COL4A3: variants seen among roughly 807,000 people sequenced by gnomAD.
COL4A3 encodes the protein collagen type IV alpha 3 chain, also known as collagen alpha-3(IV) chain.
A neutral mutation model predicts 217.4 loss-of-function variants in COL4A3; 135 were observed. The ratio of observed to expected loss-of-function variants is 0.62; its 90% CI spans 0.54 to 0.72. The LOEUF (loss-of-function observed/expected upper bound fraction) is 0.72, where lower values mean the gene tolerates loss of function less well. COL4A3 is among the 30% of genes least tolerant of loss of function. The probability of loss-of-function intolerance (pLI) is 0.00; values close to 1 mark genes in which losing one functional copy is unlikely to be tolerated. For synonymous variants in COL4A3, 690 were observed against 736.3 expected, an observed-to-expected ratio of 0.94 and a Z score of 1.02; for missense variants, 1,868 against 2,119.9, an observed-to-expected ratio of 0.88 and a Z score of 2.33.
rs780287240 is a variant in COL4A3, at chr2:227,244,952, G to C, written c.281G>C (p.Gly94Ala). Residue 94 changes from glycine to alanine, a missense_variant and splice_region_variant, in exon 5 of 52, where the codon GGA becomes GCA. Coordinates refer to ENST00000396578, the MANE Select transcript of COL4A3 (RefSeq NM_000091.5). ...PGLTGSKGVR[G>A]ISGLPGFSGS... ...CCCTCCTTTTTCCTATGTCTTCAGG[G>C]AATAAGTGGATTGCCAGGATTTTCT... 12 of 1,613,032 alleles carry C rather than the reference G, an allele frequency of 7.4e-6. No individual in the cohort carries two copies. Among genetic ancestry groups the C allele is most frequent in the Non-Finnish European group, 1.0e-5 (12 of 1,179,534 alleles).
At chr2:227,251,921 T>G (rs146180574) in intron 11 of COL4A3, among the ~76,000 whole-genome samples, 2,969 of 151,766 alleles carry the variant, frequency 0.02, 88 homozygotes, top group African/African-American at 0.068. Flanking sequence ...ATACAAAAAT[T>G]AGCCGGGCAT....
chr2:227,263,755 A>G (rs1191651927), intron 20 of COL4A3, 25 bp from the exon 21 acceptor site: 2 of 1,604,440 alleles, frequency 1.2e-6, no homozygotes, highest in Non-Finnish European at 1.7e-6. Context: ...AATGTAAAAT[A>G]CAAGAAATGA....
intron 28 of COL4A3, among the ~76,000 whole-genome samples, chr2:227,278,747 TG>T (rs1249467755): frequency 1.3e-5 from 2 of 152,316 alleles, no homozygotes; most frequent in East Asian, 3.9e-4. Context: ...CTGTTGACTG[TG>T]GGAACCAGAA....
intron 38 of COL4A3, chr2:227,294,286 T>C (rs2072920791): frequency 1.5e-5 from 9 of 594,726 alleles, no homozygotes; most frequent in Non-Finnish European, 2.7e-5. Context: ...ACACACATCT[T>C]TGAAAGTGAT....
rs1209658021 is a variant in COL4A3 at position 227,298,780 on chromosome 2, A to G, written c.3850A>G (p.Thr1284Ala). Residue 1284 changes from threonine (T) to alanine (A), a missense_variant, in exon 43 of 52, where the codon ACT (threonine) becomes GCT (alanine). By Grantham distance (58) the Thr-to-Ala change is moderately conservative. Around this residue, in one of 2 missense-constraint regions of COL4A3, gnomAD observed 1,503 missense variants for 1,786.1 expected, o/e 0.84. Coordinates refer to ENST00000396578, the MANE Select transcript of COL4A3 (RefSeq NM_000091.5). Reference protein sequence around the residue: ...GHPGPKGPPGTAGDMGPPGRL... With the variant: ...GHPGPKGPPGAAGDMGPPGRL... Reference sequence around the variant, plus strand: ...CCCTGGCCCAAAAGGTCCACCTGGAACTGCAGGAGACATGGGACCACCAGG... The same window carrying G: ...CCCTGGCCCAAAAGGTCCACCTGGAGCTGCAGGAGACATGGGACCACCAGG... 1.7e-5 allele frequency: 27 copies of G among 1,613,848 alleles called. No individual in the cohort carries two copies. The highest frequency in any genetic ancestry group is 2.2e-5 in the Non-Finnish European group (26 of 1,179,944).
chr2:227,213,184 C>T (rs999372904), intron 1 of COL4A3, among the ~76,000 whole-genome samples: 1 of 152,120 alleles, frequency 6.6e-6, no homozygotes, highest in Non-Finnish European at 1.5e-5. Flanking sequence ...ATAGCTGAAG[C>T]GTAGGCTGAA....
rs771642290 is a variant in COL4A3, at chr2:227,266,544, C to G, written c.1408+35C>G. 2.0e-6 allele frequency: 3 copies of G among 1,488,292 alleles called. No homozygotes were observed. In the African/African-American group the frequency reaches 4.1e-5, roughly 21 times the overall value. 92.2% of individuals were successfully genotyped at this position (1,488,292 alleles called of 1,614,324 possible). On this transcript the variant is annotated intron_variant, in intron 22 of 51. Coordinates refer to ENST00000396578, the MANE Select transcript of COL4A3 (RefSeq NM_000091.5). ...ATCAATAATGTTGTATTAGGATAAG[C>G]CTTTTTCATCGTCATTATTATCACT...
At chr2:227,249,230 A>ATTTTTTTTTTTTTTTTTTTTT in intron 9 of COL4A3, among the ~76,000 whole-genome samples, 1 of 14,692 alleles carries the variant, frequency 6.8e-5, no homozygotes, top group African/African-American at 2.7e-4. Context: ...ATATATATAT[A>ATTTTTTTTTTTTTTTTTTTTT]TTTTTTTTTT....
intron 21 of COL4A3, 36 bp downstream of exon 21, chr2:227,263,980 T>C (rs753859482): frequency 1.1e-5 from 17 of 1,612,426 alleles, no homozygotes; most frequent in Non-Finnish European, 1.4e-5. Context: ...TTGTGCACAG[T>C]GCCAAATGAC....
At chr2:227,284,031 T>C (rs764789153) in intron 33 of COL4A3, among the ~76,000 whole-genome samples, 175 bp downstream of exon 33, 3 of 152,268 alleles carry the variant, frequency 2.0e-5, no homozygotes, top group Non-Finnish European at 4.4e-5. Flanking sequence ...CTGTTTTCTG[T>C]AGGCTTACAC....
chr2:227,187,940 G>T (rs2066090337), intron 1 of COL4A3, among the ~76,000 whole-genome samples: 1 of 152,160 alleles, frequency 6.6e-6, no homozygotes, highest in Admixed American at 6.5e-5. Flanking sequence ...GAGCTGTTGA[G>T]TCAGGGCATA....
chr2:227,243,518 C>T (rs370633286), intron 3 of COL4A3, among the ~76,000 whole-genome samples: 9 of 152,300 alleles, frequency 5.9e-5, no homozygotes, highest in African/African-American at 2.2e-4. Flanking sequence ...CCATGCACCC[C>T]GGAATTCCGC....
At chr2:227,281,924 G>A (rs1463260591) in intron 31 of COL4A3, 1 of 152,630 alleles carries the variant, frequency 6.6e-6, no homozygotes, top group Non-Finnish European at 1.5e-5. Flanking sequence ...GCGCACGCAT[G>A]CGTAAGTGTG....
chr2:227,244,216 G>T (rs2069185232), intron 3 of COL4A3, 104 bp from the exon 4 acceptor site: 6 of 877,068 alleles, frequency 6.8e-6, no homozygotes, highest in Non-Finnish European at 9.6e-6. Context: ...AATCAGAAGG[G>T]CAAAACAGCT....
chr2:227,200,778 T>C (rs369801055), intron 1 of COL4A3, among the ~76,000 whole-genome samples: 1 of 152,248 alleles, frequency 6.6e-6, no homozygotes, highest in South Asian at 2.1e-4. Context: ...GATGTTAATT[T>C]ACATTAAAGT....
chr2:227,213,674 T>C (rs899251365), intron 1 of COL4A3, among the ~76,000 whole-genome samples: 1 of 151,766 alleles, frequency 6.6e-6, no homozygotes, highest in African/African-American at 2.4e-5. Flanking sequence ...GAGGCCGAGG[T>C]AGGCGGATCA....
intron 9 of COL4A3, among the ~76,000 whole-genome samples, chr2:227,249,272 G>T (rs1419039640): frequency 1.2e-5 from 1 of 82,768 alleles, no homozygotes; most frequent in African/African-American, 4.6e-5. Context: ...GTCTGGCTCT[G>T]TCGCCCAGGC....
chr2:227,245,660 C>G, intron 5 of COL4A3: 1 of 468,432 alleles, frequency 2.1e-6, no homozygotes, highest in Non-Finnish European at 3.9e-6. Context: ...TTCTTTTTCC[C>G]TTCCTTTCTC....
chr2:227,218,577 T>C (rs2067626594), intron 1 of COL4A3, among the ~76,000 whole-genome samples: 1 of 152,238 alleles, frequency 6.6e-6, no homozygotes, highest in Non-Finnish European at 1.5e-5. Context: ...TTTGTTGTTG[T>C]TTCTGTACTC....
Sources: gnomAD v4.1 joint callset for allele counts (sites outside exome capture counted in the v4.1 genomes callset) on GRCh38, gnomAD v4.1.1 for gene constraint, gnomAD v4.1.1 regional missense constraint, MANE v1.5 for transcripts, NCBI Gene and HGNC (gene_info 2026-07-23, HGNC 2026-07-21) for gene names.